The following TRPM5 variants were observed in gnomAD, a reference collection of about 807,000 sequenced individuals.
TRPM5 encodes MLSN1 and TRP-related.
Under a neutral mutation model 124.9 loss-of-function variants are expected in TRPM5, and 121 were observed. The observed-to-expected ratio is 0.97, with a 90% CI of 0.84 to 1.13. The LOEUF (loss-of-function observed/expected upper bound fraction) is 1.13. TRPM5 is among the 50% of genes most tolerant of loss of function. The probability of loss-of-function intolerance (pLI) is 0.00; values close to 1 mark genes in which losing one functional copy is unlikely to be tolerated. For missense variants in TRPM5, 1,643 were observed against 1,589.1 expected, an observed-to-expected ratio of 1.03 and a Z score of -0.58; for synonymous variants, 781 against 700.5, an observed-to-expected ratio of 1.11 and a Z score of -1.81.
the TRPM5 span, among the ~76,000 whole-genome samples, chr11:2,440,991 G>A: frequency 6.6e-6 from 1 of 152,230 alleles, no homozygotes; most frequent in Non-Finnish European, 1.5e-5. The surrounding 1 kb of genome is among the most constrained non-coding windows in gnomAD (Gnocchi z 5.2). Flanking sequence ...AACATGAGGT[G>A]AGCCTGGTGA....
exon 24 of TRPM5, chr11:2,404,980 C>G (rs1284485172): frequency 4.3e-6 from 7 of 1,612,626 alleles, no homozygotes; most frequent in African/African-American, 1.3e-5. Flanking sequence ...TTGTTCCCAG[C>G]CATCTAAACC....
intron 21 of TRPM5, 27 bp downstream of exon 26, chr11:2,406,634 A>AG (rs774596529): frequency 6.3e-7 from 1 of 1,580,814 alleles, no homozygotes; most frequent in East Asian, 2.2e-5. Context: ...CCCGATACCC[A>AG]CCAGTGATCA....
rs555991607 is a variant in TRPM5 at position 2,415,548 on chromosome 11, A to G, written c.1129-77T>C. The stretch of plus-strand genomic sequence containing the variant: ...ACAGGAGGAGGGGGTCCAAGGAAGG[A>G]GAGAGCAGGGAGCATGGGGATCCAT... On this transcript the variant is annotated intron_variant, in intron 8 of 23. Transcript: ENST00000155858. The G allele has an allele frequency of 2.9e-6, 3 of 1,040,174 alleles. No individual in the cohort carries two copies. The African/African-American group carries it at 4.8e-5, about 17-fold the overall frequency. The allele number at this position is 1,040,174 out of a possible 1,614,324, so 64.4% of individuals were successfully genotyped here.
At chr11:2,424,208 G>A (rs1002852878), upstream of TRPM5, among the ~76,000 whole-genome samples, 3 of 152,252 alleles carry the variant, frequency 2.0e-5, no homozygotes, top group Non-Finnish European at 4.4e-5. Flanking sequence ...AGAAGACAAT[G>A]GACCGTTCTG....
intron 11 of TRPM5, among the ~76,000 whole-genome samples, 184 bp from the exon 17 acceptor site, chr11:2,414,390 T>C (rs1850522638): frequency 6.6e-6 from 1 of 152,142 alleles, no homozygotes; most frequent in Admixed American, 6.5e-5. Context: ...CCTCCGTCCT[T>C]CTCCGGCTCT....
At position 2,405,880 on chromosome 11, in the gene TRPM5, C is replaced by T. The variant is rs78662472; in HGVS notation, c.3324+139G>A. ...GGCCTGTCTTCCCCAGAACGCTCCTCTGCCCACTGGGGTGCTCCTGTCCTG... is the reference window on the plus strand; with the variant it reads ...GGCCTGTCTTCCCCAGAACGCTCCTTTGCCCACTGGGGTGCTCCTGTCCTG... On this transcript the variant is annotated intron_variant, in intron 22 of 23. Transcript: ENST00000155858. 1.6e-3 allele frequency: 1,303 copies of T among 807,400 alleles called. 31 individuals are homozygous for T. In the East Asian group the frequency reaches 0.033, roughly 21 times the overall value. 50.0% of individuals were successfully genotyped at this position (807,400 alleles called of 1,614,324 possible). A position where few individuals can be genotyped will look rare whatever the true frequency, so the allele number is the denominator to read the frequency against.
At position 2,415,525 on chromosome 11, in the gene TRPM5, A is replaced by C; in HGVS notation, c.1129-54T>G. ...GGGGACAAGAGAGTGAGCGAGAGAC[A>C]GGAGGAGGGGGTCCAAGGAAGGAGA... On this transcript the variant is annotated intron_variant, in intron 8 of 23. Transcript: ENST00000155858. The C allele has an allele frequency of 2.4e-6, 3 of 1,246,554 alleles. No individual in the cohort carries two copies. In the South Asian group the frequency reaches 4.4e-5, roughly 18 times the overall value. 77.2% of individuals were successfully genotyped at this position (1,246,554 alleles called of 1,614,324 possible). A position where few individuals can be genotyped will look rare whatever the true frequency, so the allele number is the denominator to read the frequency against.
exon 24 of TRPM5, chr11:2,404,876 G>T: frequency 6.9e-7 from 1 of 1,451,158 alleles, no homozygotes; most frequent in Non-Finnish European, 9.6e-7. Context: ...AAAGGTCAGT[G>T]CACAACGTGC....
At chr11:2,444,159 G>A in the TRPM5 span, among the ~76,000 whole-genome samples, 2 of 151,960 alleles carry the variant, frequency 1.3e-5, no homozygotes, top group Non-Finnish European at 2.9e-5. Flanking sequence ...GGAGGTACCT[G>A]ACAGTGGTGG....
At chr11:2,421,128 G>C in exon 3 of TRPM5, 1 of 1,543,924 alleles carries the variant, frequency 6.5e-7, no homozygotes, top group Non-Finnish European at 8.7e-7. Context: ...TGGCCAGCGA[G>C]TGGTCGCGCA....
intron 22 of TRPM5, among the ~76,000 whole-genome samples, chr11:2,405,816 C>T (rs984879207): frequency 6.6e-6 from 1 of 152,202 alleles, no homozygotes; most frequent in Non-Finnish European, 1.5e-5. Context: ...AGGCTGTAGC[C>T]TCCCAAGTGG....
At chr11:2,414,826 C>T (rs774212759) in exon 11 of TRPM5, 4 of 1,592,078 alleles carry the variant, frequency 2.5e-6, no homozygotes, top group Non-Finnish European at 3.4e-6. Context: ...GCGGCTGCCA[C>T]ACCTTCCTGG....
At chr11:2,428,471 T>C in the TRPM5 span, among the ~76,000 whole-genome samples, 3 of 150,480 alleles carry the variant, frequency 2.0e-5, no homozygotes, top group Non-Finnish European at 4.4e-5. The surrounding 1 kb of genome is among the most constrained non-coding windows in gnomAD (Gnocchi z 4.0). Context: ...ATGGTGGCAG[T>C]AGTGGTGGTG....
intron 19 of TRPM5, 49 bp from the exon 25 acceptor site, chr11:2,407,349 TG>T (rs1394380667): frequency 2.6e-6 from 4 of 1,549,358 alleles, no homozygotes; most frequent in Non-Finnish European, 2.6e-6. Context: ...CACGACCACT[TG>T]GGGGACGCAT....
the TRPM5 span, among the ~76,000 whole-genome samples, chr11:2,442,588 CT>C: frequency 1.3e-5 from 2 of 152,180 alleles, no homozygotes; most frequent in Non-Finnish European, 2.9e-5. The surrounding 1 kb of genome is among the most constrained non-coding windows in gnomAD (Gnocchi z 5.9). Context: ...TGTATATGTA[CT>C]TTTCTATTTT....
upstream of TRPM5, among the ~76,000 whole-genome samples, chr11:2,423,422 GAA>G (rs1845799366): frequency 2.6e-5 from 4 of 152,178 alleles, no homozygotes; most frequent in Non-Finnish European, 5.9e-5. Flanking sequence ...TGGAAACTCC[GAA>G]AGACTCAGCA....
Position 2,405,663 on chromosome 11 carries a change from C to G in TRPM5, c.3325-70G>C. On this transcript the variant is annotated intron_variant, in intron 22 of 23. Transcript: ENST00000155858. ...GACAGCAGGGGACAGGCAGCCTCCCCATCTCCCCTCTCCTGCCAGGGCCCC... is the reference window on the plus strand; with the variant it reads ...GACAGCAGGGGACAGGCAGCCTCCCGATCTCCCCTCTCCTGCCAGGGCCCC... 2.0e-6 allele frequency: 3 copies of G among 1,489,876 alleles called. No individual in the cohort carries two copies. In the East Asian group the frequency reaches 7.4e-5, roughly 37 times the overall value. 92.3% of individuals were successfully genotyped at this position (1,489,876 alleles called of 1,614,324 possible).
chr11:2,414,009 GCCCGCCCA>G, intron 12 of TRPM5, 44 bp downstream of exon 17: 2 of 1,023,734 alleles, frequency 2.0e-6, no homozygotes, highest in Non-Finnish European at 1.4e-6. Flanking sequence ...GGCCCAGCTC[GCCCGCCCA>G]CCCCACCCCC....
At chr11:2,438,631 C>T in the TRPM5 span, among the ~76,000 whole-genome samples, 1 of 152,124 alleles carries the variant, frequency 6.6e-6, no homozygotes. This position sits in a 1 kb window ranked among gnomAD's most constrained non-coding sequence, Gnocchi z 5.9. Flanking sequence ...TGTGTCACTG[C>T]ACTCCAGCCT....
Sources: allele counts gnomAD v4.1 joint callset (sites outside exome capture counted in the v4.1 genomes callset), GRCh38; gene constraint gnomAD v4.1.1; non-coding constraint Gnocchi (gnomAD v3.1); transcripts MANE v1.5; gene names NCBI Gene and HGNC (gene_info 2026-07-23, HGNC 2026-07-21).